Variants in CPA6 observed in about 807,000 individuals in gnomAD.
CPA6 encodes carboxypeptidase B.
Under a neutral mutation model 63.3 loss-of-function variants are expected in CPA6, and 58 were observed. The ratio of observed to expected loss-of-function variants is 0.92; its 90% CI spans 0.74 to 1.14. CPA6 has a LOEUF of 1.14. Ranked by LOEUF, CPA6 falls within the 50% of genes most tolerant of loss-of-function variation. The pLI, the probability that CPA6 is intolerant of heterozygous loss-of-function variation, is 0.00. For missense variants in CPA6, 565 were observed against 526.6 expected (o/e 1.07, Z -0.71); for synonymous variants, 185 against 179.0 (o/e 1.03, Z -0.27).
At chr8:67,725,553 C>T (rs191766369) in intron 1 of CPA6, among the ~76,000 whole-genome samples, 241 of 152,234 alleles carry the variant, frequency 1.6e-3, no homozygotes, top group African/African-American at 5.6e-3. Flanking sequence ...GATGGAGTCA[C>T]TCTGTCACCC....
chr8:67,621,392 G>A (rs1378422550), intron 2 of CPA6, among the ~76,000 whole-genome samples: 2 of 152,160 alleles, frequency 1.3e-5, no homozygotes, highest in African/African-American at 4.8e-5. Context: ...TAATGATAAT[G>A]ATCACATTCT....
rs533908263 is a variant in CPA6 at position 67,681,270 on chromosome 8, C to T, written c.117-57019G>A. Among the ~76,000 whole-genome samples, 5 of 132,812 alleles carry T rather than the reference C, an allele frequency of 3.8e-5. No individual in the cohort carries two copies. The South Asian group carries it at 1.0e-3, about 27-fold the overall frequency. 87.1% of individuals were successfully genotyped at this position (132,812 alleles called of 152,430 possible). A position where few individuals can be genotyped will look rare whatever the true frequency, so the allele number is the denominator to read the frequency against. ...CAGGCCGGACTGCGGACTGCAGTGG[C>T]GCAATCTCGGCTCACTGCAAGCTCC... On this transcript the variant is annotated intron_variant, in intron 1 of 10. Coordinates refer to ENST00000297770, the MANE Select transcript of CPA6 (RefSeq NM_020361.5).
chr8:67,549,011 T>A (rs578203524), intron 2 of CPA6, among the ~76,000 whole-genome samples: 42 of 152,316 alleles, frequency 2.8e-4, no homozygotes, highest in African/African-American at 9.6e-4. Context: ...GAAATTTAAT[T>A]TAAAAAATTG....
chr8:67,468,164 A>G (rs1810972865), intron 8 of CPA6, among the ~76,000 whole-genome samples: 1 of 152,176 alleles, frequency 6.6e-6, no homozygotes, highest in African/African-American at 2.4e-5. Context: ...ATGCCAACAT[A>G]GACTGTTAGT....
intron 8 of CPA6, among the ~76,000 whole-genome samples, chr8:67,459,642 G>T (rs1444792364): frequency 6.6e-6 from 1 of 152,170 alleles, no homozygotes; most frequent in African/African-American, 2.4e-5. Flanking sequence ...GAGCACAGAA[G>T]GTTTTTAGGG....
intron 1 of CPA6, among the ~76,000 whole-genome samples, chr8:67,657,307 A>T (rs1474396897): frequency 6.6e-6 from 1 of 150,400 alleles, no homozygotes; most frequent in Non-Finnish European, 1.5e-5. Context: ...ATAGGAATAA[A>T]CTATTGCATA....
At chr8:67,446,918 C>A (rs1375887162) in intron 8 of CPA6, among the ~76,000 whole-genome samples, 1 of 151,978 alleles carries the variant, frequency 6.6e-6, no homozygotes, top group African/African-American at 2.4e-5. Context: ...AACAAATACA[C>A]ATAGTTTACA....
intron 5 of CPA6, among the ~76,000 whole-genome samples, chr8:67,507,230 C>T (rs893097352): frequency 6.6e-6 from 1 of 151,868 alleles, no homozygotes; most frequent in African/African-American, 2.4e-5. Context: ...GTCTTGAACT[C>T]CTGGTCTCTT....
chr8:67,630,037 G>A (rs866498615), intron 1 of CPA6, among the ~76,000 whole-genome samples: 19 of 151,600 alleles, frequency 1.3e-4, no homozygotes, highest in South Asian at 1.0e-3. Context: ...CCTGGGAGGC[G>A]GAACTTGTAG....
chr8:67,577,531 C>T (rs532197819), intron 2 of CPA6, among the ~76,000 whole-genome samples: 2 of 151,800 alleles, frequency 1.3e-5, no homozygotes, highest in African/African-American at 4.8e-5. Context: ...CTCTTCGAAG[C>T]GTAAGAAAGA....
At position 67,506,770 on chromosome 8, in the gene CPA6, TA is replaced by T; in HGVS notation, c.636+16del. The T allele has an allele frequency of 6.5e-7, 1 of 1,534,362 alleles. No homozygotes were observed. The highest frequency in any genetic ancestry group is 9.0e-7 in the Non-Finnish European group (1 of 1,107,466). On this transcript the variant is annotated intron_variant, in intron 6 of 10. Transcript: ENST00000297770. ...CTGACTAGCTGAAATGGACATTGTG[TA>T]AAGGGTTTAACTTACTTCTTTTACA...
intron 6 of CPA6, among the ~76,000 whole-genome samples, chr8:67,494,631 G>T (rs1236805495): frequency 6.6e-6 from 1 of 152,012 alleles, no homozygotes; most frequent in African/African-American, 2.4e-5. Context: ...TGGCAACAAA[G>T]AATTAAAGTG....
chr8:67,472,640 C>T (rs977625713), intron 8 of CPA6, among the ~76,000 whole-genome samples: 1 of 152,050 alleles, frequency 6.6e-6, no homozygotes, highest in African/African-American at 2.4e-5. Context: ...GTTGCCCAGG[C>T]TGGTCTCAAA....
At chr8:67,661,611 C>A (rs1220043092) in intron 1 of CPA6, among the ~76,000 whole-genome samples, 1 of 152,202 alleles carries the variant, frequency 6.6e-6, no homozygotes, top group Non-Finnish European at 1.5e-5. Context: ...AAAGCCATCT[C>A]AACTCAGAGA....
intron 8 of CPA6, among the ~76,000 whole-genome samples, chr8:67,477,906 G>T (rs952306694): frequency 4.6e-5 from 7 of 152,140 alleles, no homozygotes; most frequent in Non-Finnish European, 1.0e-4. Flanking sequence ...ATATGTATTT[G>T]GTCTTCATCC....
intron 1 of CPA6, among the ~76,000 whole-genome samples, chr8:67,689,451 G>A (rs770985656): frequency 6.6e-6 from 1 of 152,140 alleles, no homozygotes; most frequent in Non-Finnish European, 1.5e-5. Flanking sequence ...GTGGTTCCCA[G>A]TGTCTATTGT....
intron 2 of CPA6, among the ~76,000 whole-genome samples, chr8:67,593,043 C>T (rs1814179664): frequency 6.7e-6 from 1 of 150,150 alleles, no homozygotes; most frequent in Admixed American, 6.6e-5. Context: ...TTTCCCTCTA[C>T]ACACTGCTTT....
chr8:67,706,204 C>A (rs1817131566), intron 1 of CPA6, among the ~76,000 whole-genome samples: 1 of 152,200 alleles, frequency 6.6e-6, no homozygotes, highest in Non-Finnish European at 1.5e-5. Flanking sequence ...AATTGTACAA[C>A]TTGCCTGCTT....
At chr8:67,673,015 C>T (rs551294654) in intron 1 of CPA6, among the ~76,000 whole-genome samples, 1 of 152,142 alleles carries the variant, frequency 6.6e-6, no homozygotes, top group African/African-American at 2.4e-5. Context: ...AATGCAACTA[C>T]GTATGATTTG....
Sources: gnomAD v4.1 joint callset for allele counts (sites outside exome capture counted in the v4.1 genomes callset) on GRCh38, gnomAD v4.1.1 for gene constraint, MANE v1.5 for transcripts, NCBI Gene and HGNC (gene_info 2026-07-23, HGNC 2026-07-21) for gene names.